CNGA1: variants seen among roughly 807,000 people sequenced by gnomAD.
CNGA1 encodes the protein cyclic nucleotide gated channel subunit alpha 1.
Under a neutral mutation model 69.7 loss-of-function variants are expected in CNGA1, and 53 were observed. The observed-to-expected ratio is 0.76, with a 90% CI of 0.61 to 0.96. The LOEUF (loss-of-function observed/expected upper bound fraction) is 0.96. CNGA1 is among the 40% of genes least tolerant of loss of function. CNGA1 has a pLI of 0.00. For missense variants in CNGA1, 739 were observed against 811.2 expected, an observed-to-expected ratio of 0.91 and a Z score of 1.08; for synonymous variants, 249 against 283.5, an observed-to-expected ratio of 0.88 and a Z score of 1.22.
intron 6 of CNGA1, among the ~76,000 whole-genome samples, chr4:47,946,984 A>C (rs1739435360): frequency 6.6e-6 from 1 of 152,118 alleles, no homozygotes; most frequent in East Asian, 1.9e-4. Context: ...AGGTTTCACC[A>C]TGTAGGTTGG....
At chr4:47,980,292 A>T (rs186688712) in intron 3 of CNGA1, among the ~76,000 whole-genome samples, 2 of 152,194 alleles carry the variant, frequency 1.3e-5, no homozygotes, top group Admixed American at 1.3e-4. Flanking sequence ...TTTAAGAGGT[A>T]TCTTTATTGA....
At chr4:48,007,700 C>T (rs1323701246) in intron 2 of CNGA1, among the ~76,000 whole-genome samples, 1 of 151,944 alleles carries the variant, frequency 6.6e-6, no homozygotes, top group African/African-American at 2.4e-5. Context: ...AGTTTTTTTC[C>T]TAAGCAAATC....
intron 1 of CNGA1, among the ~76,000 whole-genome samples, chr4:48,012,422 T>C (rs1052471246): frequency 2.2e-4 from 33 of 152,162 alleles, no homozygotes; most frequent in Non-Finnish European, 1.9e-4. Flanking sequence ...CTTAGCAGTG[T>C]GGGAGGACAG....
At chr4:47,993,019 C>T (rs188301504) in intron 2 of CNGA1, among the ~76,000 whole-genome samples, 14 of 152,234 alleles carry the variant, frequency 9.2e-5, no homozygotes, top group Admixed American at 9.2e-4. Flanking sequence ...GTTAAACCAT[C>T]CCTACATCCC....
At chr4:47,997,454 T>C (rs1445922811) in intron 2 of CNGA1, among the ~76,000 whole-genome samples, 2 of 152,206 alleles carry the variant, frequency 1.3e-5, no homozygotes, top group African/African-American at 2.4e-5. Flanking sequence ...GATTTTAATA[T>C]GATTAAAACC....
At position 47,989,847 on chromosome 4, in the gene CNGA1, C is replaced by T. The variant is rs528924240; in HGVS notation, c.-122-8347G>A. Among the ~76,000 whole-genome samples the T allele has an allele frequency of 2.6e-4, 39 of 151,710 alleles. 1 individual carries two copies. The highest frequency in any genetic ancestry group is 3.9e-4 in the East Asian group (2 of 5,182). On this transcript the variant is annotated intron_variant, in intron 2 of 10. Transcript: ENST00000514170. ...CAAGTCCATTGTGTCATTCTTATTG[C>T]GGGAAGTCAAGAACCCCAAACGGAG...
chr4:48,001,290 G>A (rs1226972353), intron 2 of CNGA1, among the ~76,000 whole-genome samples: 2 of 152,114 alleles, frequency 1.3e-5, no homozygotes, highest in African/African-American at 4.8e-5. Context: ...CCAACATGTT[G>A]AAACCCCATC....
chr4:47,969,030 GC>G (rs141608455), intron 3 of CNGA1, among the ~76,000 whole-genome samples: 1,570 of 152,216 alleles, frequency 0.01, 19 homozygotes, highest in African/African-American at 0.035. Flanking sequence ...AGATTTTAAG[GC>G]AAGAGAATGA....
intron 2 of CNGA1, among the ~76,000 whole-genome samples, chr4:48,002,854 G>A (rs1714724071): frequency 6.6e-6 from 1 of 152,088 alleles, no homozygotes; most frequent in South Asian, 2.1e-4. Context: ...GCAGGACTCA[G>A]GCTCCCCTCC....
intron 9 of CNGA1, among the ~76,000 whole-genome samples, chr4:47,941,778 A>G (rs1739090157): frequency 6.6e-6 from 1 of 152,100 alleles, no homozygotes; most frequent in East Asian, 1.9e-4. Flanking sequence ...ACGTCAAATA[A>G]AAGTTAAAAA....
chr4:47,971,365 A>C (rs1741028661), intron 3 of CNGA1, among the ~76,000 whole-genome samples: 1 of 152,100 alleles, frequency 6.6e-6, no homozygotes, highest in African/African-American at 2.4e-5. Flanking sequence ...TATCATGTAA[A>C]TTAATTACTT....
chr4:47,985,645 TAC>T (rs910326446), intron 2 of CNGA1, among the ~76,000 whole-genome samples: 1 of 152,150 alleles, frequency 6.6e-6, no homozygotes, highest in Non-Finnish European at 1.5e-5. Context: ...GAATCTCACA[TAC>T]ACACACACTC....
At chr4:47,961,399 T>C (rs1740430981) in intron 3 of CNGA1, among the ~76,000 whole-genome samples, 1 of 152,228 alleles carries the variant, frequency 6.6e-6, no homozygotes, top group Admixed American at 6.5e-5. Flanking sequence ...TTCTGTGGAT[T>C]CTGGATTCTG....
chr4:47,943,131 T>G, intron 8 of CNGA1, 50 bp downstream of exon 8: 1 of 1,316,452 alleles, frequency 7.6e-7, no homozygotes, highest in East Asian at 2.3e-5. Context: ...TCCCTGCATC[T>G]AAAACCCATC....
At chr4:47,981,104 C>A (rs1741687015) in intron 3 of CNGA1, among the ~76,000 whole-genome samples, 1 of 152,096 alleles carries the variant, frequency 6.6e-6, no homozygotes, top group African/African-American at 2.4e-5. Context: ...GAAAAACATA[C>A]CTGTCAAAGG....
intron 3 of CNGA1, among the ~76,000 whole-genome samples, chr4:47,956,644 A>G (rs1197263497): frequency 1.3e-5 from 2 of 152,190 alleles, no homozygotes; most frequent in Non-Finnish European, 2.9e-5. Flanking sequence ...GATTTTAGAT[A>G]CATGAAGTGC....
chr4:47,986,755 G>A (rs943655301), intron 2 of CNGA1, among the ~76,000 whole-genome samples: 31 of 152,018 alleles, frequency 2.0e-4, no homozygotes, highest in African/African-American at 7.2e-4. Flanking sequence ...AAAAAAAAGA[G>A]AGAGAGAAAG....
intron 3 of CNGA1, 27 bp from the exon 4 acceptor site, chr4:47,952,730 G>A (rs1157871602): frequency 2.0e-6 from 3 of 1,521,398 alleles, no homozygotes; most frequent in Middle Eastern, 1.8e-4. Flanking sequence ...CTTATTAGTG[G>A]AAAGGCTATT....
intron 3 of CNGA1, among the ~76,000 whole-genome samples, chr4:47,978,027 T>C (rs1317339976): frequency 2.0e-5 from 3 of 152,160 alleles, no homozygotes; most frequent in Non-Finnish European, 2.9e-5. Flanking sequence ...GGTTTCTCCA[T>C]GTTGGTCAGG....
Sources: gnomAD v4.1 joint callset for allele counts (sites outside exome capture counted in the v4.1 genomes callset) on GRCh38, gnomAD v4.1.1 for gene constraint, MANE v1.5 for transcripts, NCBI Gene and HGNC (gene_info 2026-07-23, HGNC 2026-07-21) for gene names.